The following KIAA0232 variants were observed in gnomAD, a reference collection of about 807,000 sequenced individuals.
The protein encoded by KIAA0232 is KIAA0232.
Under a neutral mutation model 122.0 loss-of-function variants are expected in KIAA0232, and 27 were observed. That is an observed-to-expected ratio of 0.22 (90% confidence interval 0.16 to 0.31). The LOEUF (loss-of-function observed/expected upper bound fraction) is 0.31. KIAA0232 is among the 10% of genes least tolerant of loss of function. The pLI, the probability that KIAA0232 is intolerant of heterozygous loss-of-function variation, is 1.00. For synonymous variants in KIAA0232, 613 were observed against 587.6 expected, an observed-to-expected ratio of 1.04 and a Z score of -0.63; for missense variants, 1,551 against 1,634.2, an observed-to-expected ratio of 0.95 and a Z score of 0.88.
rs199577529 is a variant in KIAA0232 at position 6,792,690 on chromosome 4, T to TTG, written c.-354+9850_-354+9851insGT. 3.5e-3 allele frequency among the ~76,000 whole-genome samples: 429 copies of TTG among 123,392 alleles called. 1 individual carries two copies. The highest frequency in any genetic ancestry group is 0.013 in the East Asian group (65 of 5,008). The allele number at this position is 123,392 out of a possible 152,430, so 80.9% of individuals were successfully genotyped here. Reference sequence around the variant, plus strand: ...GTCTTGATAGTCTTAGGTTTTTTTTTTTTTGTTTTTTTTTTTTGAGACAGA... The same window carrying TTG: ...GTCTTGATAGTCTTAGGTTTTTTTTTTGTTTTGTTTTTTTTTTTTGAGACAGA... On this transcript the variant is annotated intron_variant, in intron 1 of 9. Transcript: ENST00000307659.
chr4:6,808,335 T>C (rs1214197169), intron 2 of KIAA0232, among the ~76,000 whole-genome samples: 1 of 151,338 alleles, frequency 6.6e-6, no homozygotes, highest in African/African-American at 2.4e-5. Context: ...AACACCCAAA[T>C]TGAATAATTA....
rs1395321947 is a variant in KIAA0232 at position 6,797,791 on chromosome 4, G to A, written c.-353-6732G>A. The stretch of plus-strand genomic sequence containing the variant: ...CCTCTCAAAAAAAAAAAAAAAAAAG[G>A]CCGGGCGCGGTGGCTCACGCCTGTA... On this transcript the variant is annotated intron_variant, in intron 1 of 9. Coordinates refer to ENST00000307659, the MANE Select transcript of KIAA0232 (RefSeq NM_014743.3). 2.7e-5 allele frequency among the ~76,000 whole-genome samples: 4 copies of A among 148,122 alleles called. No individual in the cohort carries two copies. In the Admixed American group the frequency reaches 2.7e-4, roughly 10 times the overall value.
chr4:6,791,052 G>A lies in KIAA0232; in HGVS notation c.-354+8211G>A, dbSNP rs980175144. Among the ~76,000 whole-genome samples the A allele has an allele frequency of 2.7e-5, 4 of 149,952 alleles. No individual in the cohort carries two copies. The Admixed American group carries it at 2.7e-4, about 10-fold the overall frequency. ...TCCTGCCTTGGCCTCCTGAGTACCT[G>A]GGACTACAGGTGTGTGCCACCATGC... On this transcript the variant is annotated intron_variant, in intron 1 of 9. Transcript: ENST00000307659.
chr4:6,861,904 C>T lies in KIAA0232; in HGVS notation c.1522C>T (p.His508Tyr). The change falls in exon 7 of 10, where the codon CAC (histidine) becomes TAC (tyrosine). Residue 508 changes from histidine (H) to tyrosine (Y), a missense_variant. Physicochemically the swap from His to Tyr is moderately conservative, Grantham distance 83. Coordinates refer to ENST00000307659, the MANE Select transcript of KIAA0232 (RefSeq NM_014743.3). ...TGATATTCATCTATCAGAATTAACGCACTTCTATGAAGTGGATATTGATCA... is the reference window on the plus strand; with the variant it reads ...TGATATTCATCTATCAGAATTAACGTACTTCTATGAAGTGGATATTGATCA... ...LDDIHLSELT[H>Y]FYEVDIDQSM... 3.1e-6 allele frequency: 5 copies of T among 1,614,062 alleles called. No homozygotes were observed. Among genetic ancestry groups the T allele is most frequent in the Non-Finnish European group, 4.2e-6 (5 of 1,179,956 alleles).
intron 1 of KIAA0232, among the ~76,000 whole-genome samples, chr4:6,787,685 C>T (rs1426486559): frequency 6.6e-6 from 1 of 152,124 alleles, no homozygotes; most frequent in Non-Finnish European, 1.5e-5. Flanking sequence ...GCTCTTACTC[C>T]TTATGAAGAT....
chr4:6,879,687 G>T (rs1325337361), intron 9 of KIAA0232, among the ~76,000 whole-genome samples: 3 of 152,108 alleles, frequency 2.0e-5, no homozygotes, highest in African/African-American at 7.2e-5. Context: ...CATGTCCTGG[G>T]GTCCAGAGAT....
intron 3 of KIAA0232, among the ~76,000 whole-genome samples, chr4:6,832,145 A>G (rs994159412): frequency 5.3e-5 from 8 of 152,122 alleles, no homozygotes; most frequent in Admixed American, 3.3e-4. Context: ...TATTTGTTTA[A>G]TGGCATAGTT....
chr4:6,843,736 C>T (rs1001764181), intron 4 of KIAA0232, among the ~76,000 whole-genome samples: 29 of 152,048 alleles, frequency 1.9e-4, no homozygotes, highest in African/African-American at 7.0e-4. Context: ...TGCCGCCGCA[C>T]TCCAACCTGG....
At chr4:6,842,019 G>A in intron 3 of KIAA0232, 48 bp from the exon 4 acceptor site, 1 of 1,605,460 alleles carries the variant, frequency 6.2e-7, no homozygotes, top group Non-Finnish European at 8.5e-7. Flanking sequence ...GAACATAGTA[G>A]TGTCCAAGTT....
intron 2 of KIAA0232, among the ~76,000 whole-genome samples, chr4:6,810,369 G>A (rs747533807): frequency 6.6e-6 from 1 of 152,124 alleles, no homozygotes; most frequent in Non-Finnish European, 1.5e-5. Context: ...AAATTGGATT[G>A]CCCTGTGCAT....
chr4:6,843,571 C>A (rs982182406), intron 4 of KIAA0232, among the ~76,000 whole-genome samples: 2 of 152,118 alleles, frequency 1.3e-5, no homozygotes, highest in African/African-American at 4.8e-5. Context: ...GAGTTCGAGA[C>A]CAGCCTGGTC....
chr4:6,822,519 CT>C (rs1335753211), intron 2 of KIAA0232, among the ~76,000 whole-genome samples: 2 of 152,064 alleles, frequency 1.3e-5, no homozygotes, highest in African/African-American at 2.4e-5. Flanking sequence ...CTCTTATTAT[CT>C]GTTAAAATTC....
intron 3 of KIAA0232, among the ~76,000 whole-genome samples, chr4:6,832,282 A>C (rs1405828226): frequency 6.6e-6 from 1 of 151,772 alleles, no homozygotes; most frequent in Non-Finnish European, 1.5e-5. Context: ...TATTACCTGA[A>C]ATTATATGAT....
chr4:6,836,175 A>G (rs1177769742), intron 3 of KIAA0232, among the ~76,000 whole-genome samples: 1 of 152,194 alleles, frequency 6.6e-6, no homozygotes, highest in African/African-American at 2.4e-5. Flanking sequence ...CTGGTGTGAG[A>G]TGGTATCTCA....
chr4:6,862,924 G>T lies in KIAA0232; in HGVS notation c.2542G>T (p.Ala848Ser). The change falls in exon 7 of 10, where the codon GCT becomes TCT. Residue 848 changes from alanine to serine, a missense_variant. Coordinates refer to ENST00000307659, the MANE Select transcript of KIAA0232 (RefSeq NM_014743.3). Reference sequence around the variant, plus strand: ...TACAGTAGAAATAGAAAGAACTGATGCTGAGTTGTTTTCGGCAGATGTAAA... The same window carrying T: ...TACAGTAGAAATAGAAAGAACTGATTCTGAGTTGTTTTCGGCAGATGTAAA... ...VATVEIERTD[A>S]ELFSADVNNY... 6.2e-7 allele frequency: 1 copy of T among 1,614,228 alleles called. No individual in the cohort carries two copies. The highest frequency in any genetic ancestry group is 8.5e-7 in the Non-Finnish European group (1 of 1,180,042).
rs1439099097 is a variant in KIAA0232 at position 6,881,702 on chromosome 4, C to T, written c.*736C>T. On this transcript the variant is annotated 3_prime_UTR_variant, in exon 10 of 10. Transcript: ENST00000307659. ...GGGTGCATACCCCACCCCTTACCTG[C>T]TCTCATACTGCAGTTACATTTACAC... is the stretch of plus-strand genomic sequence containing the variant. The T allele has an allele frequency of 1.3e-5, 2 of 152,626 alleles. No individual in the cohort carries two copies. The highest frequency in any genetic ancestry group is 2.9e-5 in the Non-Finnish European group (2 of 68,048). The allele number at this position is 152,626 out of a possible 1,614,324, so 9.5% of individuals were successfully genotyped here.
intron 2 of KIAA0232, among the ~76,000 whole-genome samples, chr4:6,805,217 A>G (rs1445559992): frequency 6.6e-6 from 1 of 152,194 alleles, no homozygotes; most frequent in Non-Finnish European, 1.5e-5. Flanking sequence ...AACCATATCT[A>G]AAGGCTTGAT....
At chr4:6,816,305 C>T (rs986033546) in intron 2 of KIAA0232, among the ~76,000 whole-genome samples, 2 of 145,528 alleles carry the variant, frequency 1.4e-5, no homozygotes, top group Admixed American at 6.9e-5. Flanking sequence ...TTTTTTGAGA[C>T]GGAGCCTCGC....
chr4:6,851,070 T>G (rs1720256916), intron 4 of KIAA0232, among the ~76,000 whole-genome samples: 1 of 152,218 alleles, frequency 6.6e-6, no homozygotes, highest in Non-Finnish European at 1.5e-5. Context: ...AGTGTTTTTT[T>G]GTAACTGTCA....
Sources: gnomAD v4.1 joint callset for allele counts (sites outside exome capture counted in the v4.1 genomes callset) on GRCh38, gnomAD v4.1.1 for gene constraint, MANE v1.5 for transcripts, NCBI Gene and HGNC (gene_info 2026-07-23, HGNC 2026-07-21) for gene names.